CHFR: variants seen among roughly 807,000 people sequenced by gnomAD.
CHFR encodes the protein E3 ubiquitin-protein ligase CHFR.
A neutral mutation model predicts 87.6 loss-of-function variants in CHFR; 57 were observed. The observed-to-expected ratio is 0.65, with a 90% CI of 0.53 to 0.81. The LOEUF (loss-of-function observed/expected upper bound fraction) is 0.81. Among genes scored for constraint, CHFR ranks in the 30% least tolerant of loss-of-function variants. The pLI, the probability that CHFR is intolerant of heterozygous loss-of-function variation, is 0.00. For missense variants in CHFR, 797 were observed against 865.8 expected, an observed-to-expected ratio of 0.92 and a Z score of 1.00; for synonymous variants, 381 against 359.2, an observed-to-expected ratio of 1.06 and a Z score of -0.69.
Position 132,862,623 on chromosome 12 carries a change from C to T in CHFR, c.584-989G>A, listed in dbSNP as rs369264314. Among the ~76,000 whole-genome samples the T allele has an allele frequency of 1.4e-4, 22 of 152,040 alleles. No individual in the cohort carries two copies. The East Asian group carries it at 3.1e-3, about 22-fold the overall frequency. On this transcript the variant is annotated intron_variant, in intron 6 of 17. Transcript: ENST00000450056. ...TTTTTTTTTTTGAGACGGACTCTTG[C>T]TCTGTTGCCCAGGCTGGAGTGCAGT... is the stretch of plus-strand genomic sequence containing the variant.
chr12:132,852,925 C>T (rs1950978485), intron 11 of CHFR, among the ~76,000 whole-genome samples: 1 of 152,230 alleles, frequency 6.6e-6, no homozygotes, highest in Non-Finnish European at 1.5e-5. Flanking sequence ...TCCATACCCC[C>T]TGCCCAGCTC....
At chr12:132,866,370 A>C (rs1013917693) in intron 6 of CHFR, 2 of 152,054 alleles carry the variant, frequency 1.3e-5, no homozygotes, top group Non-Finnish European at 2.9e-5. Context: ...ACAACACACC[A>C]ACACACCGGA....
Position 132,857,516 on chromosome 12 carries a change from C to T in CHFR, c.955G>A (p.Gly319Ser). The change falls in exon 9 of 18, where the codon GGC (glycine) becomes AGC (serine). Residue 319 changes from glycine (G) to serine (S), a missense_variant. Gly to Ser is a moderately conservative substitution (Grantham distance 56). Coordinates refer to ENST00000450056, the MANE Select transcript of CHFR (RefSeq NM_001161346.2). ...CACAGGGACGAGCGCTCCATCCAGC[C>T]CGAGTAGCAAGCCGCGCAGAACGTG... ...MHTFCAACYS[G>S]WMERSSLCPT... 1 of 1,614,162 alleles carries T rather than the reference C, an allele frequency of 6.2e-7. No individual in the cohort carries two copies.
In CHFR at chr12:132,848,267, A is replaced by G. The variant is rs777709924; in HGVS notation, c.1577-112T>C. 11 of 1,554,906 alleles carry G rather than the reference A, an allele frequency of 7.1e-6. No homozygotes were observed. The South Asian group carries it at 1.3e-4, about 18-fold the overall frequency. On this transcript the variant is annotated intron_variant, in intron 13 of 17. Transcript: ENST00000450056. ...CTTTTCATTACAGATTCTAGAAAGA[A>G]TAAGAAGTTCAATGATAAAACTCAA...
At chr12:132,880,329 G>C (rs1219082665) in intron 2 of CHFR, among the ~76,000 whole-genome samples, 1 of 152,026 alleles carries the variant, frequency 6.6e-6, no homozygotes, top group Non-Finnish European at 1.5e-5. Context: ...CACAAACCAG[G>C]AAAAAATAAT....
intron 6 of CHFR, among the ~76,000 whole-genome samples, chr12:132,864,986 C>G (rs1292893712): frequency 6.6e-6 from 1 of 152,188 alleles, no homozygotes; most frequent in African/African-American, 2.4e-5. Context: ...TGTTTGATTT[C>G]TGAAGAGGGT....
chr12:132,853,757 G>GA, intron 10 of CHFR, 184 bp from the exon 11 acceptor site: 1 of 641,494 alleles, frequency 1.6e-6, no homozygotes, highest in South Asian at 2.4e-5. Flanking sequence ...AGAACGAGTC[G>GA]AAGGGCAAGG....
Position 132,859,190 on chromosome 12 carries a change from T to C in CHFR, c.789A>G (p.Ala263=). ...DLDLNGQLLV[A]QPRRNAQTVH... ...CGGTTTGGGCATTTCTACGCGGTTG[T>C]GCGACCAACAACTGCCCGTTCAGGT... is the stretch of plus-strand genomic sequence containing the variant. Residue 263 remains alanine, a synonymous_variant, in exon 8 of 18, where the codon GCA becomes GCG. Coordinates refer to ENST00000450056, the MANE Select transcript of CHFR (RefSeq NM_001161346.2). 2 of 1,613,932 alleles carry C rather than the reference T, an allele frequency of 1.2e-6. No homozygotes were observed. The highest frequency in any genetic ancestry group is 1.1e-5 in the South Asian group (1 of 91,018).
chr12:132,887,187 G>A lies in CHFR; in HGVS notation c.133+9C>T, dbSNP rs762200320. 7 of 1,485,054 alleles carry A rather than the reference G, an allele frequency of 4.7e-6. No individual in the cohort carries two copies. The South Asian group carries it at 5.0e-5, about 11-fold the overall frequency. 92.0% of individuals were successfully genotyped at this position (1,485,054 alleles called of 1,614,324 possible). On this transcript the variant is annotated intron_variant, in intron 2 of 17. Transcript: ENST00000450056. The stretch of plus-strand genomic sequence containing the variant: ...GCCCCGGCCCCCGGCCCCGGCCTCA[G>A]CCCCGCACCTCGTCTCCGCCCGATG...
At chr12:132,887,159 C>T in intron 2 of CHFR, 37 bp downstream of exon 2, 1 of 1,444,212 alleles carries the variant, frequency 6.9e-7, no homozygotes, top group Non-Finnish European at 9.1e-7. Context: ...GTGGCTCTGC[C>T]CGGCCCCGGC....
At chr12:132,858,797 A>T (rs1441458013) in intron 8 of CHFR, among the ~76,000 whole-genome samples, 2 of 147,042 alleles carry the variant, frequency 1.4e-5, no homozygotes, top group African/African-American at 5.0e-5. Flanking sequence ...AAAAAAAGTC[A>T]GCCAGGCATA....
In CHFR at chr12:132,839,672, C is replaced by T. The variant is rs534014192; in HGVS notation, c.*1882G>A. The T allele has an allele frequency of 3.3e-4, 55 of 164,452 alleles. No individual in the cohort carries two copies. The highest frequency in any genetic ancestry group is 5.0e-4 in the Non-Finnish European group (39 of 77,950). 10.2% of individuals were successfully genotyped at this position (164,452 alleles called of 1,614,324 possible). A position where few individuals can be genotyped will look rare whatever the true frequency, so the allele number is the denominator to read the frequency against. On this transcript the variant is annotated 3_prime_UTR_variant, in exon 18 of 18. Transcript: ENST00000450056. ...TGCACAAACTCAGGACCTCCCCTCT[C>T]CCTCACCCCTGCACCAACTCAAGAC...
chr12:132,861,911 G>C, intron 6 of CHFR: 1 of 420,586 alleles, frequency 2.4e-6, no homozygotes, highest in Non-Finnish European at 4.4e-6. Context: ...CTCGAGCACC[G>C]AGTCTAACGC....
chr12:132,842,082 C>G (rs1950714162), intron 17 of CHFR, among the ~76,000 whole-genome samples: 1 of 146,156 alleles, frequency 6.8e-6, no homozygotes, highest in African/African-American at 2.6e-5. Flanking sequence ...ATACTCCAGC[C>G]TGGCAGACAG....
Position 132,887,357 on chromosome 12 carries a change from A to C in CHFR, c.-12-17T>G. ...GATTCACATCTGCGGAGACCCCGGA[A>C]ACGCCCATGGAGACTCCCGACCCCA... On this transcript the variant is annotated splice_polypyrimidine_tract_variant and intron_variant, in intron 1 of 17. Transcript: ENST00000450056. 7.2e-7 allele frequency: 1 copy of C among 1,386,752 alleles called. No individual in the cohort carries two copies. Among genetic ancestry groups the C allele is most frequent in the Non-Finnish European group, 9.3e-7 (1 of 1,070,570 alleles). 85.9% of individuals were successfully genotyped at this position (1,386,752 alleles called of 1,614,324 possible).
At chr12:132,881,677 C>T (rs890370307) in intron 2 of CHFR, among the ~76,000 whole-genome samples, 11 of 152,108 alleles carry the variant, frequency 7.2e-5, no homozygotes, top group Admixed American at 1.3e-4. Flanking sequence ...ACCATCCTGG[C>T]CAACATGGTG....
chr12:132,875,725 G>A (rs530627362), intron 3 of CHFR, among the ~76,000 whole-genome samples: 1 of 152,272 alleles, frequency 6.6e-6, no homozygotes, highest in South Asian at 2.1e-4. Context: ...GCAGAGTTTG[G>A]GAAAGAGTCA....
chr12:132,837,582 G>C lies in CHFR; in HGVS notation c.*3972C>G, dbSNP rs920133562. On this transcript the variant is annotated 3_prime_UTR_variant, in exon 18 of 18. Coordinates refer to ENST00000450056, the MANE Select transcript of CHFR (RefSeq NM_001161346.2). ...TGAGCACTCATCACCTTTGTTTTCA[G>C]TGTAACTCAATTCTAAGTGTAGAGG... 1 of 152,414 alleles carries C rather than the reference G, an allele frequency of 6.6e-6. No individual in the cohort carries two copies. Among genetic ancestry groups the C allele is most frequent in the Non-Finnish European group, 1.5e-5 (1 of 68,172 alleles). 9.4% of individuals were successfully genotyped at this position (152,414 alleles called of 1,614,324 possible). A position where few individuals can be genotyped will look rare whatever the true frequency, so the allele number is the denominator to read the frequency against.
At position 132,839,386 on chromosome 12, in the gene CHFR, G is replaced by A. The variant is rs1283712461; in HGVS notation, c.*2168C>T. 6.8e-6 allele frequency: 1 copy of A among 147,030 alleles called. No individual in the cohort carries two copies. The highest frequency in any genetic ancestry group is 2.1e-4 in the East Asian group (1 of 4,696). 9.1% of individuals were successfully genotyped at this position (147,030 alleles called of 1,614,324 possible). ...CACTAACTCAGGACCTCCCCTCTTGGCCTCACCCCTGCACAAACTTGCAAC... is the reference window on the plus strand; with the variant it reads ...CACTAACTCAGGACCTCCCCTCTTGACCTCACCCCTGCACAAACTTGCAAC... On this transcript the variant is annotated 3_prime_UTR_variant, in exon 18 of 18. Coordinates refer to ENST00000450056, the MANE Select transcript of CHFR (RefSeq NM_001161346.2).
Sources: allele counts gnomAD v4.1 joint callset (sites outside exome capture counted in the v4.1 genomes callset), GRCh38; gene constraint gnomAD v4.1.1; transcripts MANE v1.5; gene names NCBI Gene and HGNC (gene_info 2026-07-23, HGNC 2026-07-21).